CNTNAP5: variants seen among roughly 807,000 people sequenced by gnomAD.
The protein encoded by CNTNAP5 is contactin associated protein family member 5.
CNTNAP5 carries 72 observed loss-of-function variants against 150.2 expected under a neutral mutation model. The ratio of observed to expected loss-of-function variants is 0.48; its 90% CI spans 0.40 to 0.58. The LOEUF is 0.58. CNTNAP5 is among the 20% of genes least tolerant of loss of function. The pLI, the probability that CNTNAP5 is intolerant of heterozygous loss-of-function variation, is 0.00. For missense variants in CNTNAP5, 1,636 were observed against 1,626.2 expected (o/e 1.01, Z -0.10); for synonymous variants, 672 against 619.8 (o/e 1.08, Z -1.25).
At chr2:124,505,141 G>T (rs1694373778) in intron 8 of CNTNAP5, among the ~76,000 whole-genome samples, 1 of 152,112 alleles carries the variant, frequency 6.6e-6, no homozygotes, top group South Asian at 2.1e-4. Flanking sequence ...TTCTTACCTG[G>T]GAGTATTTAG....
intron 4 of CNTNAP5, among the ~76,000 whole-genome samples, chr2:124,419,564 T>C (rs898635381): frequency 6.6e-6 from 1 of 152,200 alleles, no homozygotes; most frequent in African/African-American, 2.4e-5. Context: ...CCTGACTTTG[T>C]GATAACAGAG....
chr2:124,292,945 GAT>G (rs1453390858), intron 3 of CNTNAP5, among the ~76,000 whole-genome samples: 1 of 151,986 alleles, frequency 6.6e-6, no homozygotes, highest in Non-Finnish European at 1.5e-5. Context: ...CATATTGAAA[GAT>G]ATGTTTTTCA....
chr2:124,856,816 C>CT (rs1324387196), intron 19 of CNTNAP5, among the ~76,000 whole-genome samples: 4 of 152,148 alleles, frequency 2.6e-5, no homozygotes, highest in Non-Finnish European at 1.5e-5. Context: ...TTTCTTGAAG[C>CT]TAGTTATGTC....
At chr2:124,049,737 C>T (rs1046796171) in intron 1 of CNTNAP5, among the ~76,000 whole-genome samples, 6 of 152,106 alleles carry the variant, frequency 3.9e-5, no homozygotes, top group African/African-American at 1.4e-4. Context: ...TATGTTTTGG[C>T]TTCTATAATA....
chr2:124,875,186 C>A (rs998448242), intron 21 of CNTNAP5, among the ~76,000 whole-genome samples: 2 of 151,992 alleles, frequency 1.3e-5, no homozygotes, highest in Non-Finnish European at 2.9e-5. Flanking sequence ...TGAATGAAAA[C>A]CCTGAATGCT....
intron 1 of CNTNAP5, among the ~76,000 whole-genome samples, chr2:124,215,292 G>C (rs966802703): frequency 2.0e-5 from 3 of 152,102 alleles, no homozygotes; most frequent in African/African-American, 7.2e-5. Flanking sequence ...TTGAACTTCA[G>C]TACCATCTGT....
intron 1 of CNTNAP5, among the ~76,000 whole-genome samples, chr2:124,192,161 T>C (rs1685473633): frequency 6.6e-6 from 1 of 152,142 alleles, no homozygotes; most frequent in Non-Finnish European, 1.5e-5. Context: ...TCCTAGACTT[T>C]CTCAGTTGTT....
intron 5 of CNTNAP5, among the ~76,000 whole-genome samples, chr2:124,445,057 AG>A (rs1263484918): frequency 6.6e-6 from 1 of 151,652 alleles, no homozygotes; most frequent in African/African-American, 2.4e-5. Context: ...CACTGTGACC[AG>A]CTCAGGTGGA....
intron 13 of CNTNAP5, among the ~76,000 whole-genome samples, chr2:124,700,183 A>G (rs1198220519): frequency 1.3e-5 from 2 of 152,146 alleles, no homozygotes; most frequent in Non-Finnish European, 2.9e-5. Context: ...ATGTTGTAGT[A>G]TATTTCAGTA....
intron 3 of CNTNAP5, among the ~76,000 whole-genome samples, chr2:124,339,323 T>C (rs1417467737): frequency 6.6e-6 from 1 of 152,126 alleles, no homozygotes; most frequent in East Asian, 1.9e-4. Flanking sequence ...ATTTTATATG[T>C]CTCCAGTGCA....
At chr2:124,211,261 C>T (rs962083403) in intron 1 of CNTNAP5, among the ~76,000 whole-genome samples, 3 of 152,068 alleles carry the variant, frequency 2.0e-5, no homozygotes, top group Non-Finnish European at 4.4e-5. Flanking sequence ...GGAGATGATC[C>T]ACTTAGAAAG....
At chr2:124,714,332 G>A (rs1331561631) in intron 13 of CNTNAP5, among the ~76,000 whole-genome samples, 1 of 152,088 alleles carries the variant, frequency 6.6e-6, no homozygotes, top group East Asian at 1.9e-4. Flanking sequence ...TTGAAATTAG[G>A]TATTTGTAGT....
intron 11 of CNTNAP5, among the ~76,000 whole-genome samples, chr2:124,604,468 G>T (rs185038235): frequency 2.0e-5 from 3 of 151,938 alleles, no homozygotes; most frequent in Admixed American, 6.6e-5. Flanking sequence ...ATTTTCATCC[G>T]TTACTTTGGG....
intron 3 of CNTNAP5, among the ~76,000 whole-genome samples, chr2:124,313,284 G>T (rs1404854101): frequency 3.3e-5 from 5 of 152,054 alleles, no homozygotes; most frequent in African/African-American, 4.8e-5. Context: ...GTTTTGTTTT[G>T]TTTTTTCTGT....
chr2:124,027,165 T>C (rs546829611), intron 1 of CNTNAP5, among the ~76,000 whole-genome samples: 1 of 152,366 alleles, frequency 6.6e-6, no homozygotes, highest in African/African-American at 2.4e-5. Flanking sequence ...TGAGTTTTTT[T>C]CTTTTACTTC....
chr2:124,746,648 A>G (rs923943532), intron 13 of CNTNAP5, among the ~76,000 whole-genome samples: 1 of 152,042 alleles, frequency 6.6e-6, no homozygotes, highest in African/African-American at 2.4e-5. Context: ...TACACAGCCA[A>G]CCTCTTCTTC....
intron 21 of CNTNAP5, among the ~76,000 whole-genome samples, chr2:124,899,135 T>C (rs1678365970): frequency 6.6e-6 from 1 of 151,634 alleles, no homozygotes; most frequent in South Asian, 2.1e-4. Context: ...CAAAACATCA[T>C]GTTGTGCAAT....
chr2:124,787,399 A>G (rs1681621995), intron 17 of CNTNAP5, among the ~76,000 whole-genome samples: 1 of 152,218 alleles, frequency 6.6e-6, no homozygotes, highest in South Asian at 2.1e-4. Flanking sequence ...ATTGAGACAG[A>G]CAGGAGAATG....
intron 3 of CNTNAP5, among the ~76,000 whole-genome samples, chr2:124,318,641 C>T (rs1689025209): frequency 6.6e-6 from 1 of 152,122 alleles, no homozygotes; most frequent in South Asian, 2.1e-4. Flanking sequence ...CAGATCATGT[C>T]TGAGAATAGA....
Sources: allele counts gnomAD v4.1 joint callset (sites outside exome capture counted in the v4.1 genomes callset), GRCh38; gene constraint gnomAD v4.1.1; transcripts MANE v1.5; gene names NCBI Gene and HGNC (gene_info 2026-07-23, HGNC 2026-07-21).